Variants in SLC39A6 observed in about 807,000 individuals in gnomAD.
The protein encoded by SLC39A6 is solute carrier family 39 member 6, also known as zinc transporter ZIP6.
Under a neutral mutation model 63.5 loss-of-function variants are expected in SLC39A6, and 51 were observed. That is an observed-to-expected ratio of 0.80 (90% CI 0.64 to 1.01). The LOEUF (loss-of-function observed/expected upper bound fraction) is 1.01. Among genes scored for constraint, SLC39A6 ranks in the 50% least tolerant of loss-of-function variants. The probability of loss-of-function intolerance (pLI) is 0.00; values close to 1 mark genes in which losing one functional copy is unlikely to be tolerated. For synonymous variants in SLC39A6, 318 were observed against 324.7 expected, an observed-to-expected ratio of 0.98 and a Z score of 0.22; for missense variants, 805 against 927.8, an observed-to-expected ratio of 0.87 and a Z score of 1.72.
At chr18:36,117,904 G>A (rs2056412036) in intron 5 of SLC39A6, among the ~76,000 whole-genome samples, 1 of 152,028 alleles carries the variant, frequency 6.6e-6, no homozygotes, top group Non-Finnish European at 1.5e-5. Context: ...GTTGGCGGGT[G>A]CCTGTAGTCC....
chr18:36,120,547 CA>C (rs1265781829), intron 5 of SLC39A6, among the ~76,000 whole-genome samples: 1 of 152,194 alleles, frequency 6.6e-6, no homozygotes, highest in Non-Finnish European at 1.5e-5. Context: ...CTATGCTCAG[CA>C]AAAATCAACT....
At chr18:36,112,654 G>A (rs2089309757) in intron 7 of SLC39A6, 73 bp from the exon 8 acceptor site, 17 of 1,091,072 alleles carry the variant, frequency 1.6e-5, no homozygotes, top group Non-Finnish European at 2.4e-5. Flanking sequence ...TATGCAAAAT[G>A]AGGTAACAAG....
At chr18:36,118,481 C>G (rs1485819300) in intron 5 of SLC39A6, among the ~76,000 whole-genome samples, 1 of 152,054 alleles carries the variant, frequency 6.6e-6, no homozygotes, top group East Asian at 1.9e-4. Context: ...ATACCAAGAC[C>G]TAAAGATAGG....
At chr18:36,118,113 A>C (rs1339442285) in intron 5 of SLC39A6, among the ~76,000 whole-genome samples, 1 of 152,154 alleles carries the variant, frequency 6.6e-6, no homozygotes, top group Non-Finnish European at 1.5e-5. Flanking sequence ...AAGTACTTAA[A>C]TATTTGTAAA....
At chr18:36,109,888 C>CTTA (rs1221267655) in intron 9 of SLC39A6, 143 bp from the exon 10 acceptor site, 1 of 613,818 alleles carries the variant, frequency 1.6e-6, no homozygotes, top group African/African-American at 1.9e-5. Flanking sequence ...AACATGATTA[C>CTTA]ATACATACTG....
chr18:36,115,032 T>G (rs1171747107), intron 6 of SLC39A6, among the ~76,000 whole-genome samples: 1 of 152,216 alleles, frequency 6.6e-6, no homozygotes, highest in African/African-American at 2.4e-5. Context: ...AAGGTTATTT[T>G]TTTTCTCCTG....
chr18:36,110,917 G>A, intron 9 of SLC39A6, 142 bp downstream of exon 9: 1 of 1,340,354 alleles, frequency 7.5e-7, no homozygotes, highest in Admixed American at 2.7e-5. Flanking sequence ...TTTGGGCTCA[G>A]GAATTTGAGA....
At chr18:36,120,434 TTTTAA>T (rs1317933576) in intron 5 of SLC39A6, among the ~76,000 whole-genome samples, 1 of 152,192 alleles carries the variant, frequency 6.6e-6, no homozygotes, top group East Asian at 1.9e-4. Flanking sequence ...GGCTCAAAAT[TTTTAA>T]TTTGAGATTT....
intron 7 of SLC39A6, among the ~76,000 whole-genome samples, chr18:36,113,684 T>G (rs919398187): frequency 6.6e-6 from 1 of 152,260 alleles, no homozygotes; most frequent in Non-Finnish European, 1.5e-5. Context: ...GACTGGTAAC[T>G]GGACTTAGAT....
rs559328985 is a variant in SLC39A6 at position 36,109,893 on chromosome 18, A to G, written c.2116-148T>C. ...AATTCCTTAAAACATGATTACATAC[A>G]TACTGACTCTAGCTAACAATGTCAC... On this transcript the variant is annotated intron_variant, in intron 9 of 9. Coordinates refer to ENST00000269187, the MANE Select transcript of SLC39A6 (RefSeq NM_012319.4). 79 of 590,102 alleles carry G rather than the reference A, an allele frequency of 1.3e-4. No individual in the cohort carries two copies. In the Admixed American group the frequency reaches 2.3e-3, roughly 18 times the overall value. The allele number at this position is 590,102 out of a possible 1,614,324, so 36.6% of individuals were successfully genotyped here. A position where few individuals can be genotyped will look rare whatever the true frequency, so the allele number is the denominator to read the frequency against.
intron 4 of SLC39A6, 57 bp downstream of exon 4, chr18:36,123,438 C>T (rs1235151445): frequency 4.8e-6 from 7 of 1,447,112 alleles, no homozygotes; most frequent in Middle Eastern, 1.8e-4. Context: ...TAAACCAAAA[C>T]ATTTTTTTTT....
Position 36,126,297 on chromosome 18 carries a change from A to G in SLC39A6, c.711T>C (p.Gly237=), listed in dbSNP as rs1191405895. The change falls in exon 2 of 10, where the codon GGT becomes GGC. Residue 237 remains glycine, a synonymous_variant. Transcript: ENST00000269187. ...TSKSRVSRLA[G]RKTNESVSEP... Reference sequence around the variant, plus strand: ...CACTCACAGATTCATTTGTTTTCCTACCAGCCAGCCGGCTCACCCGGCTCT... The same window carrying G: ...CACTCACAGATTCATTTGTTTTCCTGCCAGCCAGCCGGCTCACCCGGCTCT... 1 of 1,614,104 alleles carries G rather than the reference A, an allele frequency of 6.2e-7. No individual in the cohort carries two copies. The highest frequency in any genetic ancestry group is 8.5e-7 in the Non-Finnish European group (1 of 1,180,056).
chr18:36,125,341 G>A (rs11081934), intron 2 of SLC39A6, among the ~76,000 whole-genome samples: 43,835 of 132,304 alleles, frequency 0.33, 6,966 homozygotes, highest in Middle Eastern at 0.48. Context: ...CTCTCCCCCA[G>A]CCAAAAAAGA....
rs556438213 is a variant in SLC39A6, at chr18:36,122,335, C to CT, written c.1141-66dup. ...TTCACACACCGAGTCAGAAAGTTGG[C>CT]TAGGTAAGGTCAAAATTGAAATCAT... On this transcript the variant is annotated intron_variant, in intron 4 of 9. Coordinates refer to ENST00000269187, the MANE Select transcript of SLC39A6 (RefSeq NM_012319.4). 1.6e-4 allele frequency: 198 copies of CT among 1,274,528 alleles called. 2 individuals carry two copies. The South Asian group carries it at 2.5e-3, about 16-fold the overall frequency. The allele number at this position is 1,274,528 out of a possible 1,614,324, so 79.0% of individuals were successfully genotyped here.
intron 4 of SLC39A6, among the ~76,000 whole-genome samples, chr18:36,122,748 A>T (rs1353239265): frequency 6.6e-6 from 1 of 152,244 alleles, no homozygotes; most frequent in Non-Finnish European, 1.5e-5. Context: ...GCTATTGCAC[A>T]TTAGGGAATC....
At chr18:36,115,601 AGAG>A (rs1293299324) in intron 6 of SLC39A6, among the ~76,000 whole-genome samples, 1 of 152,164 alleles carries the variant, frequency 6.6e-6, no homozygotes, top group Admixed American at 6.5e-5. Flanking sequence ...CTGCACAACA[AGAG>A]GAGGAATGCA....
chr18:36,124,465 G>A (rs2089419009), intron 3 of SLC39A6, 55 bp downstream of exon 3: 1 of 1,161,806 alleles, frequency 8.6e-7, no homozygotes, highest in Non-Finnish European at 1.2e-6. Flanking sequence ...CTAAGGAAAA[G>A]CACAATATAA....
Position 36,114,452 on chromosome 18 carries a change from T to G in SLC39A6, c.1488A>C (p.Ala496=). ...TDDRTEGYLR[A]DSQEPSHFDS... is the part of the protein sequence containing the mutation. Reference sequence around the variant, plus strand: ...CAAAGTGGGAGGGCTCTTGTGAGTCTGCTCGTAAATAGCCTTCAGTTCCTA... The same window carrying G: ...CAAAGTGGGAGGGCTCTTGTGAGTCGGCTCGTAAATAGCCTTCAGTTCCTA... The change falls in exon 7 of 10, where the codon GCA becomes GCC. Residue 496 remains alanine, a synonymous_variant. Transcript: ENST00000269187. The G allele has an allele frequency of 6.2e-7, 1 of 1,612,884 alleles. No individual in the cohort carries two copies. The highest frequency in any genetic ancestry group is 8.5e-7 in the Non-Finnish European group (1 of 1,179,720).
At chr18:36,124,798 C>T (rs1449638975) in intron 2 of SLC39A6, 98 bp from the exon 3 acceptor site, 21 of 970,624 alleles carry the variant, frequency 2.2e-5, no homozygotes, top group East Asian at 1.6e-4. Context: ...TTCGTTTTCT[C>T]GAGTTAATGA....
Sources: allele counts gnomAD v4.1 joint callset (sites outside exome capture counted in the v4.1 genomes callset), GRCh38; gene constraint gnomAD v4.1.1; transcripts MANE v1.5; gene names NCBI Gene and HGNC (gene_info 2026-07-23, HGNC 2026-07-21).